Variants in LRRIQ4 observed in about 807,000 individuals in gnomAD.
LRRIQ4 encodes the protein leucine-rich repeat and IQ domain-containing protein 4.
A neutral mutation model predicts 40.1 loss-of-function variants in LRRIQ4; 21 were observed. The ratio of observed to expected loss-of-function variants is 0.52; its 90% CI spans 0.37 to 0.75. The LOEUF (loss-of-function observed/expected upper bound fraction) is 0.75. LRRIQ4 is among the 30% of genes least tolerant of loss of function. The probability of loss-of-function intolerance (pLI) is 0.00; values close to 1 mark genes in which losing one functional copy is unlikely to be tolerated. For missense variants in LRRIQ4, 655 were observed against 660.0 expected (o/e 0.99, Z 0.08); for synonymous variants, 277 against 277.1 (o/e 1.00, Z 0.00).
Position 169,830,377 on chromosome 3 carries a change from GAAAAAAAA to G in LRRIQ4, c.1195-90_1195-83del, listed in dbSNP as rs56795981. 595 of 106,586 alleles carry G rather than the reference GAAAAAAAA, an allele frequency of 5.6e-3. 3 individuals are homozygous for G. Among genetic ancestry groups the G allele is most frequent in the African/African-American group, 0.019 (334 of 17,182 alleles). 6.6% of individuals were successfully genotyped at this position (106,586 alleles called of 1,614,324 possible). A position where few individuals can be genotyped will look rare whatever the true frequency, so the allele number is the denominator to read the frequency against. Reference sequence around the variant, plus strand: ...AATGCGTAATTTCCCCACTGAAAGTGAAAAAAAAAAAAAAAAAAAAAAAAAAAAAAAAT... The same window carrying G: ...AATGCGTAATTTCCCCACTGAAAGTGAAAAAAAAAAAAAAAAAAAAAAAAT... On this transcript the variant is annotated intron_variant, in intron 3 of 5. Transcript: ENST00000340806.
intron 1 of LRRIQ4, among the ~76,000 whole-genome samples, chr3:169,814,113 G>A (rs1025265250): frequency 4.6e-5 from 7 of 152,188 alleles, no homozygotes; most frequent in Admixed American, 2.6e-4. Context: ...TGGGGTTCTG[G>A]CCTTGGTGTA....
Position 169,822,399 on chromosome 3 carries a change from G to C in LRRIQ4, c.478G>C (p.Glu160Gln), listed in dbSNP as rs1413452358. 6.2e-7 allele frequency: 1 copy of C among 1,612,750 alleles called. No homozygotes were observed. ...AAACCACCTGAAATGTCTGCCCAAG[G>C]AAATAGTGAACCAGACCAAGCTGAG... Reference protein sequence around the residue: ...TGNHLKCLPKEIVNQTKLREI... With the variant: ...TGNHLKCLPKQIVNQTKLREI... Residue 160 changes from glutamate to glutamine, a missense_variant, in exon 2 of 6, where the codon GAA becomes CAA. By Grantham distance (29) the Glu-to-Gln change is conservative. Coordinates refer to ENST00000340806, the MANE Select transcript of LRRIQ4 (RefSeq NM_001080460.3).
chr3:169,826,083 G>A (rs1255520801), intron 2 of LRRIQ4, among the ~76,000 whole-genome samples: 2 of 151,980 alleles, frequency 1.3e-5, no homozygotes, highest in East Asian at 1.9e-4. Context: ...TATTTGTAGA[G>A]TATACTTCTA....
intron 5 of LRRIQ4, among the ~76,000 whole-genome samples, chr3:169,833,712 C>T (rs924091871): frequency 6.6e-6 from 1 of 152,148 alleles, no homozygotes; most frequent in African/African-American, 2.4e-5. Flanking sequence ...GCCCAAGTCC[C>T]CATCATCTCA....
At chr3:169,830,285 T>C (rs562428261) in intron 3 of LRRIQ4, among the ~76,000 whole-genome samples, 2 of 148,034 alleles carry the variant, frequency 1.4e-5, no homozygotes, top group East Asian at 2.0e-4. Flanking sequence ...CTAAGTCTAA[T>C]GGATTTACTC....
At chr3:169,826,419 G>A (rs941382803) in intron 2 of LRRIQ4, among the ~76,000 whole-genome samples, 7 of 151,382 alleles carry the variant, frequency 4.6e-5, no homozygotes, top group African/African-American at 7.3e-5. Flanking sequence ...AAAGAAAAAG[G>A]AAAAAACCAA....
At chr3:169,820,491 A>G (rs1402489592) in intron 1 of LRRIQ4, among the ~76,000 whole-genome samples, 1 of 151,928 alleles carries the variant, frequency 6.6e-6, no homozygotes, top group Non-Finnish European at 1.5e-5. Flanking sequence ...ATTTTGACTA[A>G]CATTGCATAA....
At chr3:169,835,082 C>T (rs1284482269) in intron 5 of LRRIQ4, among the ~76,000 whole-genome samples, 1 of 151,948 alleles carries the variant, frequency 6.6e-6, no homozygotes, top group Admixed American at 6.6e-5. Flanking sequence ...AGATGAAAGC[C>T]TTGAGAAACC....
intron 1 of LRRIQ4, among the ~76,000 whole-genome samples, chr3:169,818,641 T>G (rs533560703): frequency 6.6e-6 from 1 of 152,346 alleles, no homozygotes; most frequent in East Asian, 1.9e-4. Context: ...TCAAGTGTCT[T>G]TAGCTTAAAG....
chr3:169,831,890 C>G (rs1279465611), intron 4 of LRRIQ4, among the ~76,000 whole-genome samples: 1 of 151,230 alleles, frequency 6.6e-6, no homozygotes, highest in Non-Finnish European at 1.5e-5. Context: ...TTGCTTGAAT[C>G]CGGGAGGCAG....
In LRRIQ4 at chr3:169,822,781, T is replaced by C. The variant is rs1779942028; in HGVS notation, c.860T>C (p.Leu287Pro). 6.2e-7 allele frequency: 1 copy of C among 1,613,596 alleles called. No homozygotes were observed. Among genetic ancestry groups the C allele is most frequent in the Non-Finnish European group, 8.5e-7 (1 of 1,179,762 alleles). The change falls in exon 2 of 6, where the codon CTG becomes CCG. Residue 287 changes from leucine to proline, a missense_variant. By Grantham distance (98) the Leu-to-Pro change is moderately conservative. Coordinates refer to ENST00000340806, the MANE Select transcript of LRRIQ4 (RefSeq NM_001080460.3). ...TGGACCTCGCTGCACCTGCTCTACC[T>C]GGGAAACACCGGCCTGCACAGGCTG... The part of the protein sequence containing the change: ...CRWTSLHLLY[L>P]GNTGLHRLRG...
chr3:169,831,423 G>GCCA (rs1324155047), intron 4 of LRRIQ4, among the ~76,000 whole-genome samples: 2 of 115,790 alleles, frequency 1.7e-5, no homozygotes, highest in Non-Finnish European at 3.4e-5. Flanking sequence ...ACAGGCGCCC[G>GCCA]CCACCACGCC....
rs545215655 is a variant in LRRIQ4, at chr3:169,826,358, G to A, written c.1021-2401G>A. On this transcript the variant is annotated intron_variant, in intron 2 of 5. Coordinates refer to ENST00000340806, the MANE Select transcript of LRRIQ4 (RefSeq NM_001080460.3). ...AATGAGCCAAGATTGTACCATTGCCGTCCAGCCGAGGCAAGAAGAGTGAAA... is the reference window on the plus strand; with the variant it reads ...AATGAGCCAAGATTGTACCATTGCCATCCAGCCGAGGCAAGAAGAGTGAAA... Among the ~76,000 whole-genome samples the A allele has an allele frequency of 2.0e-4, 30 of 150,088 alleles. No individual in the cohort carries two copies. The East Asian group carries it at 3.7e-3, about 19-fold the overall frequency.
chr3:169,822,807 C>T lies in LRRIQ4; in HGVS notation c.886C>T (p.Arg296Trp), dbSNP rs1779943034. The change falls in exon 2 of 6, where the codon CGG (arginine) becomes TGG (tryptophan). Residue 296 changes from arginine to tryptophan, a missense_variant. By Grantham distance (101) the Arg-to-Trp change is moderately radical (BLOSUM62 -3). Coordinates refer to ENST00000340806, the MANE Select transcript of LRRIQ4 (RefSeq NM_001080460.3). ...GGGAAACACCGGCCTGCACAGGCTG[C>T]GGGGCTCCTTCAGGTGCCTGGTCAA... ...YLGNTGLHRLRGSFRCLVNLR... is the reference protein window; with the variant it reads ...YLGNTGLHRLWGSFRCLVNLR... 2 of 1,613,596 alleles carry T rather than the reference C, an allele frequency of 1.2e-6. No homozygotes were observed. The highest frequency in any genetic ancestry group is 1.7e-6 in the Non-Finnish European group (2 of 1,179,748).
At position 169,822,072 on chromosome 3, in the gene LRRIQ4, G is replaced by T; in HGVS notation, c.151G>T (p.Glu51Ter). The T allele has an allele frequency of 6.2e-7, 1 of 1,606,464 alleles. No individual in the cohort carries two copies. Among genetic ancestry groups the T allele is most frequent in the South Asian group, 1.1e-5 (1 of 89,246 alleles). ...PLEIFTFTEL[E>*]EVHLENNQIE... is the part of the protein sequence containing the mutation. The stretch of plus-strand genomic sequence containing the variant: ...GGAGATCTTCACATTCACAGAATTA[G>T]AAGAAGTGCATTTGGAGAATAACCA... Residue 51 changes from glutamate (E) to a stop codon, truncating the protein, a stop_gained, in exon 2 of 6, where the codon GAA becomes TAA. Coordinates refer to ENST00000340806, the MANE Select transcript of LRRIQ4 (RefSeq NM_001080460.3). LOFTEE classifies it high-confidence loss of function.
In LRRIQ4 at chr3:169,837,681, C is replaced by T. The variant is rs909505174; in HGVS notation, c.*50C>T. Reference sequence around the variant, plus strand: ...AATGGACCTTGATAGATTAAGAAGACAAAATATCTAGGAATTAGATGCCTA... The same window carrying T: ...AATGGACCTTGATAGATTAAGAAGATAAAATATCTAGGAATTAGATGCCTA... On this transcript the variant is annotated 3_prime_UTR_variant, in exon 6 of 6. Coordinates refer to ENST00000340806, the MANE Select transcript of LRRIQ4 (RefSeq NM_001080460.3). 3.6e-6 allele frequency: 5 copies of T among 1,404,666 alleles called. No homozygotes were observed. The highest frequency in any genetic ancestry group is 4.8e-6 in the Non-Finnish European group (5 of 1,049,244). 87.0% of individuals were successfully genotyped at this position (1,404,666 alleles called of 1,614,324 possible).
Position 169,822,584 on chromosome 3 carries a change from C to A in LRRIQ4, c.663C>A (p.Asn221Lys). 1 of 1,613,962 alleles carries A rather than the reference C, an allele frequency of 6.2e-7. No homozygotes were observed. Among genetic ancestry groups the A allele is most frequent in the East Asian group, 2.2e-5 (1 of 44,890 alleles). Reference sequence around the variant, plus strand: ...TGCAGAAGTTCTATATGGCTTCTAACAACCTTCCCGTTCTGCCCGCGTCCT... The same window carrying A: ...TGCAGAAGTTCTATATGGCTTCTAAAAACCTTCCCGTTCTGCCCGCGTCCT... ...TGLQKFYMAS[N>K]NLPVLPASLC... Residue 221 changes from asparagine to lysine, a missense_variant, in exon 2 of 6, where the codon AAC (asparagine) becomes AAA (lysine). Physicochemically the swap from Asn to Lys is moderately conservative, Grantham distance 94 (BLOSUM62 0). Coordinates refer to ENST00000340806, the MANE Select transcript of LRRIQ4 (RefSeq NM_001080460.3).
intron 5 of LRRIQ4, among the ~76,000 whole-genome samples, chr3:169,836,354 G>A (rs1780301710): frequency 6.6e-6 from 1 of 152,166 alleles, no homozygotes; most frequent in Non-Finnish European, 1.5e-5. Context: ...TTAAACAATG[G>A]AAATGTATTT....
chr3:169,814,364 G>A (rs1203929250), intron 1 of LRRIQ4, among the ~76,000 whole-genome samples: 1 of 152,150 alleles, frequency 6.6e-6, no homozygotes, highest in African/African-American at 2.4e-5. Context: ...GGTGCCTGTC[G>A]GTGTGCTCTT....
Sources: gnomAD v4.1 joint callset for allele counts (sites outside exome capture counted in the v4.1 genomes callset) on GRCh38, gnomAD v4.1.1 for gene constraint, MANE v1.5 for transcripts, NCBI Gene and HGNC (gene_info 2026-07-23, HGNC 2026-07-21) for gene names.